Variants in KDM2A observed in about 807,000 individuals in gnomAD.
The protein encoded by KDM2A is lysine-specific demethylase 2A.
In KDM2A, 3 loss-of-function variants were observed where a neutral mutation model predicts 137.3. The observed-to-expected ratio is 0.02, with a 90% CI of 0.01 to 0.06. The LOEUF (loss-of-function observed/expected upper bound fraction) is 0.06. Ranked by LOEUF, KDM2A falls within the 10% of genes least tolerant of loss-of-function variation. KDM2A has a pLI of 1.00. For synonymous variants in KDM2A, 512 were observed against 541.5 expected (o/e 0.95, Z 0.76); for missense variants, 738 against 1,510.6 (o/e 0.49, Z 8.48).
Position 67,217,865 on chromosome 11 carries a change from T to C in KDM2A, c.822T>C (p.Tyr274=). Reference sequence around the variant, plus strand: ...AGCGCATTGAGCTCAAGCAGGGCTATACCTTCGTCATTCCCTCAGGTAAGC... The same window carrying C: ...AGCGCATTGAGCTCAAGCAGGGCTACACCTTCGTCATTCCCTCAGGTAAGC... The part of the protein sequence containing the change: ...DCQRIELKQG[Y]TFVIPSGWIH... The change falls in exon 9 of 21, where the codon TAT becomes TAC. Residue 274 remains tyrosine (Y), a synonymous_variant. Coordinates refer to ENST00000529006, the MANE Select transcript of KDM2A (RefSeq NM_012308.3). 1 of 1,609,938 alleles carries C rather than the reference T, an allele frequency of 6.2e-7. No homozygotes were observed. Among genetic ancestry groups the C allele is most frequent in the Non-Finnish European group, 8.5e-7 (1 of 1,177,838 alleles).
chr11:67,242,978 G>C, intron 12 of KDM2A, 31 bp from the exon 13 acceptor site: 1 of 1,591,294 alleles, frequency 6.3e-7, no homozygotes, highest in Middle Eastern at 1.7e-4. Context: ...ACCCTGCCCT[G>C]ATTTTTCCTT....
chr11:67,197,996 T>TA (rs11416399), intron 5 of KDM2A, among the ~76,000 whole-genome samples: 146,200 of 152,278 alleles, frequency 0.96, 70,289 homozygotes, highest in Non-Finnish European at 0.99. Context: ...TAAAGTAAGA[T>TA]AAAAATTCCT....
At chr11:67,195,796 AT>A in intron 5 of KDM2A, 2 of 200,956 alleles carry the variant, frequency 1.0e-5, no homozygotes. Context: ...GCTTGTCCTA[AT>A]TTAGTTAGAA....
intron 2 of KDM2A, among the ~76,000 whole-genome samples, chr11:67,125,062 C>G (rs1032977747): frequency 1.3e-5 from 2 of 151,586 alleles, no homozygotes; most frequent in African/African-American, 4.8e-5. Context: ...GGGGTTTCAC[C>G]ATGTTAGCCA....
chr11:67,251,227 T>C (rs2136462428), intron 17 of KDM2A, among the ~76,000 whole-genome samples: 1 of 152,308 alleles, frequency 6.6e-6, no homozygotes. Flanking sequence ...CTGACTCAAT[T>C]ACCTCTCCAT....
intron 2 of KDM2A, among the ~76,000 whole-genome samples, chr11:67,141,763 T>C (rs907055718): frequency 2.0e-5 from 3 of 150,762 alleles, no homozygotes; most frequent in South Asian, 2.1e-4. Context: ...TCAGAACTTA[T>C]TCCTTCTAAC....
At chr11:67,164,977 A>G (rs145708524) in intron 2 of KDM2A, among the ~76,000 whole-genome samples, 1 of 152,232 alleles carries the variant, frequency 6.6e-6, no homozygotes, top group East Asian at 1.9e-4. Context: ...CGATGAAGAC[A>G]TAGTTTTCTC....
At chr11:67,173,963 C>G (rs1180269144) in intron 2 of KDM2A, among the ~76,000 whole-genome samples, 2 of 152,072 alleles carry the variant, frequency 1.3e-5, no homozygotes, top group Non-Finnish European at 2.9e-5. Context: ...GATCCTCCTA[C>G]CCCAGCCTCC....
intron 6 of KDM2A, among the ~76,000 whole-genome samples, chr11:67,212,535 T>C (rs1199900100): frequency 1.3e-5 from 2 of 152,208 alleles, no homozygotes; most frequent in Non-Finnish European, 2.9e-5. Flanking sequence ...ACTAGGTTCA[T>C]GATATTGGAC....
At chr11:67,197,843 C>G (rs1183946416) in intron 5 of KDM2A, among the ~76,000 whole-genome samples, 1 of 152,158 alleles carries the variant, frequency 6.6e-6, no homozygotes, top group East Asian at 1.9e-4. Context: ...CAACCCCCAG[C>G]AAGTCAGAAA....
chr11:67,254,544 C>T lies in KDM2A; in HGVS notation c.3307+126C>T, dbSNP rs779826985. ...CCCACATCAGCTCATTTCTTCACAT[C>T]TGGACAAGGACATGGATTTCTATCC... On this transcript the variant is annotated intron_variant, in intron 20 of 20. Coordinates refer to ENST00000529006, the MANE Select transcript of KDM2A (RefSeq NM_012308.3). This position sits in a 1 kb window ranked among gnomAD's most constrained non-coding sequence, Gnocchi z 4.7. 55 of 817,212 alleles carry T rather than the reference C, an allele frequency of 6.7e-5. No homozygotes were observed. The highest frequency in any genetic ancestry group is 9.7e-5 in the Non-Finnish European group (48 of 493,020). The allele number at this position is 817,212 out of a possible 1,614,324, so 50.6% of individuals were successfully genotyped here.
intron 6 of KDM2A, among the ~76,000 whole-genome samples, chr11:67,208,799 C>T (rs1267520147): frequency 1.3e-5 from 2 of 151,400 alleles, no homozygotes; most frequent in Non-Finnish European, 2.9e-5. Flanking sequence ...TCACTCTTGA[C>T]CAGGCATGGT....
intron 5 of KDM2A, among the ~76,000 whole-genome samples, chr11:67,198,541 T>G (rs1359206200): frequency 6.6e-6 from 1 of 151,872 alleles, no homozygotes; most frequent in Non-Finnish European, 1.5e-5. Context: ...AAATCCCATC[T>G]CTACTAAAAA....
chr11:67,155,535 C>T (rs1445133399), intron 2 of KDM2A, among the ~76,000 whole-genome samples: 1 of 152,052 alleles, frequency 6.6e-6, no homozygotes, highest in African/African-American at 2.4e-5. Flanking sequence ...AACTCTTGGC[C>T]TAAAATGACC....
chr11:67,244,350 A>G (rs776804626), intron 13 of KDM2A, among the ~76,000 whole-genome samples: 1 of 152,228 alleles, frequency 6.6e-6, no homozygotes, highest in African/African-American at 2.4e-5. Flanking sequence ...GCTATCTACC[A>G]GTTCGTATGC....
At chr11:67,252,088 G>A (rs765462803) in intron 17 of KDM2A, among the ~76,000 whole-genome samples, 13 of 152,142 alleles carry the variant, frequency 8.5e-5, no homozygotes, top group Non-Finnish European at 1.5e-4. Flanking sequence ...TTTCAGTTCT[G>A]GTCTGGCCTG....
chr11:67,248,143 G>T, intron 15 of KDM2A, 138 bp from the exon 16 acceptor site: 1 of 645,824 alleles, frequency 1.5e-6, no homozygotes. Flanking sequence ...TTGGCTATTT[G>T]GGGCTGGATT....
chr11:67,226,670 C>T (rs1037402724), intron 10 of KDM2A, among the ~76,000 whole-genome samples: 4 of 152,162 alleles, frequency 2.6e-5, no homozygotes, highest in Admixed American at 1.3e-4. Flanking sequence ...TGCAGTGAGC[C>T]GAGATCGCGC....
chr11:67,243,216 A>C, intron 13 of KDM2A, 124 bp downstream of exon 13: 1 of 665,654 alleles, frequency 1.5e-6, no homozygotes. Flanking sequence ...ACAAACTGAC[A>C]GAAAATCATT....
Sources: allele counts gnomAD v4.1 joint callset (sites outside exome capture counted in the v4.1 genomes callset), GRCh38; gene constraint gnomAD v4.1.1; non-coding constraint Gnocchi (gnomAD v3.1); transcripts MANE v1.5; gene names NCBI Gene and HGNC (gene_info 2026-07-23, HGNC 2026-07-21).